FXR1: variants seen among roughly 807,000 people sequenced by gnomAD.
FXR1 encodes RNA-binding protein FXR1.
In FXR1, 15 loss-of-function variants were observed where a neutral mutation model predicts 84.0. The ratio of observed to expected loss-of-function variants is 0.18; its 90% CI spans 0.12 to 0.27. FXR1 has a LOEUF of 0.27. Among genes scored for constraint, FXR1 ranks in the 10% least tolerant of loss-of-function variants. FXR1 has a pLI of 1.00. For synonymous variants in FXR1, 245 were observed against 250.7 expected, an observed-to-expected ratio of 0.98 and a Z score of 0.21; for missense variants, 480 against 774.4, an observed-to-expected ratio of 0.62 and a Z score of 4.51.
Position 180,979,414 on chromosome 3 carries a change from T to C in FXR1, c.*3122T>C, listed in dbSNP as rs1452759725. Reference sequence around the variant, plus strand: ...GGAACTTGGATTTGAACTGTGAATCTACTGTTTTGGCAAAAAATCTCAAAG... The same window carrying C: ...GGAACTTGGATTTGAACTGTGAATCCACTGTTTTGGCAAAAAATCTCAAAG... On this transcript the variant is annotated 3_prime_UTR_variant, in exon 17 of 17. Coordinates refer to ENST00000357559, the MANE Select transcript of FXR1 (RefSeq NM_005087.4). The C allele has an allele frequency of 6.6e-6, 1 of 152,140 alleles. No individual in the cohort carries two copies. Among genetic ancestry groups the C allele is most frequent in the African/African-American group, 2.4e-5 (1 of 41,452 alleles). The allele number at this position is 152,140 out of a possible 1,614,324, so 9.4% of individuals were successfully genotyped here.
chr3:180,924,299 T>A (rs960006638), intron 1 of FXR1, among the ~76,000 whole-genome samples: 2 of 152,128 alleles, frequency 1.3e-5, no homozygotes, highest in African/African-American at 4.8e-5. Context: ...ACACAGTTTC[T>A]CAGTTCTGGT....
chr3:180,974,411 G>C (rs1267483098), intron 15 of FXR1, among the ~76,000 whole-genome samples: 3 of 152,144 alleles, frequency 2.0e-5, no homozygotes, highest in Non-Finnish European at 4.4e-5. Flanking sequence ...CCAAAGTGCT[G>C]GGTTTACAGG....
At chr3:180,959,744 T>G (rs1019197403) in intron 10 of FXR1, among the ~76,000 whole-genome samples, 1 of 151,882 alleles carries the variant, frequency 6.6e-6, no homozygotes, top group Non-Finnish European at 1.5e-5. Context: ...ATAAGGAGTT[T>G]CCCTTGTTTC....
intron 1 of FXR1, among the ~76,000 whole-genome samples, chr3:180,921,540 CA>C (rs558142207): frequency 2.0e-5 from 3 of 152,050 alleles, no homozygotes; most frequent in African/African-American, 4.8e-5. Flanking sequence ...GAAGTTAAGA[CA>C]TTTTTTTGAT....
intron 3 of FXR1, among the ~76,000 whole-genome samples, chr3:180,946,572 A>G (rs569114094): frequency 6.6e-6 from 1 of 152,336 alleles, no homozygotes; most frequent in East Asian, 1.9e-4. Flanking sequence ...TGGAAAAGCT[A>G]AAATTGAGTT....
chr3:180,957,219 T>G lies in FXR1; in HGVS notation c.881-600T>G, dbSNP rs565094899. Among the ~76,000 whole-genome samples, 9 of 152,342 alleles carry G rather than the reference T, an allele frequency of 5.9e-5. No homozygotes were observed. In the South Asian group the frequency reaches 1.9e-3, roughly 32 times the overall value. On this transcript the variant is annotated intron_variant, in intron 9 of 16. Coordinates refer to ENST00000357559, the MANE Select transcript of FXR1 (RefSeq NM_005087.4). The stretch of plus-strand genomic sequence containing the variant: ...AGTTAAATACTTGAATTTTATGTAA[T>G]TTTACAATATTTTATACCTAGCAAG...
intron 10 of FXR1, among the ~76,000 whole-genome samples, chr3:180,961,059 A>G (rs188829744): frequency 6.6e-6 from 1 of 152,246 alleles, no homozygotes; most frequent in African/African-American, 2.4e-5. Context: ...GGCTGGGTAC[A>G]GTGGCTCACG....
intron 3 of FXR1, among the ~76,000 whole-genome samples, chr3:180,943,803 T>C (rs984445697): frequency 6.6e-6 from 1 of 152,210 alleles, no homozygotes; most frequent in African/African-American, 2.4e-5. Flanking sequence ...TTAGGTAGTT[T>C]TAAGACATAA....
At chr3:180,968,874 T>C (rs1713177610) in intron 14 of FXR1, among the ~76,000 whole-genome samples, 1 of 152,200 alleles carries the variant, frequency 6.6e-6, no homozygotes, top group Non-Finnish European at 1.5e-5. Context: ...TTCCAGAATA[T>C]CCTTGGTTAC....
chr3:180,944,728 C>T (rs1049663132), intron 3 of FXR1, among the ~76,000 whole-genome samples: 2 of 152,172 alleles, frequency 1.3e-5, no homozygotes, highest in Non-Finnish European at 2.9e-5. Context: ...AGAGATCCTT[C>T]CACCCTACCC....
chr3:180,951,791 CTGGCAGGAGTAAA>C, intron 8 of FXR1, among the ~76,000 whole-genome samples: 1 of 152,320 alleles, frequency 6.6e-6, no homozygotes, highest in East Asian at 1.9e-4. Context: ...GTGCCAGGCA[CTGGCAGGAGTAAA>C]TGGCATATAT....
At chr3:180,917,355 A>G (rs1441019181) in intron 1 of FXR1, among the ~76,000 whole-genome samples, 7 of 152,252 alleles carry the variant, frequency 4.6e-5, no homozygotes, top group Non-Finnish European at 1.0e-4. Flanking sequence ...CAAGGTTAGT[A>G]CAGAATCTTG....
intron 1 of FXR1, among the ~76,000 whole-genome samples, chr3:180,919,129 G>A (rs1279496180): frequency 6.6e-6 from 1 of 152,074 alleles, no homozygotes; most frequent in African/African-American, 2.4e-5. Context: ...CTTTGCTTTA[G>A]ACAAATCTGC....
chr3:180,915,048 C>A, intron 1 of FXR1: 1 of 400,240 alleles, frequency 2.5e-6, no homozygotes, highest in Non-Finnish European at 3.4e-6. Context: ...ACAAATCTCT[C>A]TGTCTAACAT....
At chr3:180,963,517 A>G (rs1343285486) in intron 13 of FXR1, among the ~76,000 whole-genome samples, 1 of 152,172 alleles carries the variant, frequency 6.6e-6, no homozygotes, top group Non-Finnish European at 1.5e-5. Context: ...ATCACTGCCA[A>G]GATTGCATAT....
At chr3:180,944,998 A>G (rs1259327913) in intron 3 of FXR1, among the ~76,000 whole-genome samples, 1 of 152,260 alleles carries the variant, frequency 6.6e-6, no homozygotes, top group Admixed American at 6.5e-5. Flanking sequence ...TTGATGATAT[A>G]TGTATCTACA....
rs569999858 is a variant in FXR1 at position 180,976,210 on chromosome 3, A to C, written c.1784A>C (p.Gln595Pro). 3 of 1,612,184 alleles carry C rather than the reference A, an allele frequency of 1.9e-6. No individual in the cohort carries two copies. In the African/African-American group the frequency reaches 4.0e-5, roughly 22 times the overall value. ...SASGDDISKL[Q>P]RTPGEEKINT... ...TCTGGCGATGACATTTCTAAGCTACAGCGTACTCCAGGAGAAGAAAAGATT... is the reference window on the plus strand; with the variant it reads ...TCTGGCGATGACATTTCTAAGCTACCGCGTACTCCAGGAGAAGAAAAGATT... Residue 595 changes from glutamine to proline, a missense_variant, in exon 17 of 17, where the codon CAG becomes CCG. Coordinates refer to ENST00000357559, the MANE Select transcript of FXR1 (RefSeq NM_005087.4).
At chr3:180,940,633 A>G (rs958496531) in intron 3 of FXR1, among the ~76,000 whole-genome samples, 14 of 148,040 alleles carry the variant, frequency 9.5e-5, no homozygotes, top group African/African-American at 2.8e-4. Context: ...CTCTAGTGCA[A>G]TGGCGCCATC....
At chr3:180,960,176 T>A (rs1711917327) in intron 10 of FXR1, among the ~76,000 whole-genome samples, 1 of 152,206 alleles carries the variant, frequency 6.6e-6, no homozygotes, top group Non-Finnish European at 1.5e-5. Flanking sequence ...ATTCAGAAGT[T>A]CAGCAAAGTA....
Sources: allele counts gnomAD v4.1 joint callset (sites outside exome capture counted in the v4.1 genomes callset), GRCh38; gene constraint gnomAD v4.1.1; transcripts MANE v1.5; gene names NCBI Gene and HGNC (gene_info 2026-07-23, HGNC 2026-07-21).